MTA3: variants seen among roughly 807,000 people sequenced by gnomAD.
MTA3 encodes metastasis-associated protein MTA3.
Under a neutral mutation model 83.5 loss-of-function variants are expected in MTA3, and 34 were observed. That is an observed-to-expected ratio of 0.41 (90% CI 0.31 to 0.54). The LOEUF is 0.54. Among genes scored for constraint, MTA3 ranks in the 20% least tolerant of loss-of-function variants. The pLI, the probability that MTA3 is intolerant of heterozygous loss-of-function variation, is 0.33. For missense variants in MTA3, 761 were observed against 726.4 expected, an observed-to-expected ratio of 1.05 and a Z score of -0.55; for synonymous variants, 303 against 252.7, an observed-to-expected ratio of 1.20 and a Z score of -1.89.
intron 5 of MTA3, among the ~76,000 whole-genome samples, chr2:42,641,691 C>T (rs1687705824): frequency 6.6e-6 from 1 of 151,932 alleles, no homozygotes; most frequent in African/African-American, 2.4e-5. Flanking sequence ...GCTAAAAATA[C>T]AAAAATTAGC....
chr2:42,674,593 C>T (rs933370012), intron 8 of MTA3, among the ~76,000 whole-genome samples: 1 of 77,672 alleles, frequency 1.3e-5, no homozygotes, highest in East Asian at 3.7e-4. Flanking sequence ...TAGTTTTCTT[C>T]TTCTTTTTTT....
intron 3 of MTA3, among the ~76,000 whole-genome samples, chr2:42,599,972 G>A (rs986162539): frequency 6.6e-5 from 10 of 151,712 alleles, no homozygotes; most frequent in East Asian, 3.9e-4. Context: ...CGAGGCGGGC[G>A]GATCACGAGG....
At chr2:42,578,505 T>A (rs991983878) in intron 2 of MTA3, among the ~76,000 whole-genome samples, 1 of 152,230 alleles carries the variant, frequency 6.6e-6, no homozygotes, top group African/African-American at 2.4e-5. Context: ...CTTAGAATAT[T>A]GACTCTTAGA....
chr2:42,700,920 G>A (rs1330204479), intron 11 of MTA3, among the ~76,000 whole-genome samples: 1 of 152,102 alleles, frequency 6.6e-6, no homozygotes, highest in Non-Finnish European at 1.5e-5. Flanking sequence ...GCACAAAATG[G>A]ACCTCGCCTC....
At chr2:42,509,524 C>G (rs1029438136) in intron 2 of MTA3, among the ~76,000 whole-genome samples, 2 of 152,162 alleles carry the variant, frequency 1.3e-5, no homozygotes, top group African/African-American at 4.8e-5. Context: ...AATCTCAGCA[C>G]TTTGGGAGAC....
chr2:42,695,481 A>G (rs989054812), intron 9 of MTA3, among the ~76,000 whole-genome samples: 1 of 151,746 alleles, frequency 6.6e-6, no homozygotes, highest in East Asian at 1.9e-4. Flanking sequence ...CTAAAAATAC[A>G]AAAAATTAGC....
At chr2:42,752,959 C>G (rs1432981335) in intron 16 of MTA3, among the ~76,000 whole-genome samples, 1 of 150,060 alleles carries the variant, frequency 6.7e-6, no homozygotes, top group African/African-American at 2.5e-5. Flanking sequence ...GGGTCTTGCT[C>G]TGTCGCCTGG....
intron 2 of MTA3, among the ~76,000 whole-genome samples, chr2:42,547,761 G>A (rs934346305): frequency 6.6e-5 from 10 of 152,178 alleles, no homozygotes; most frequent in African/African-American, 2.4e-4. Flanking sequence ...GTTGCAGTTC[G>A]TCCACGAGGA....
At chr2:42,540,764 G>A (rs958372752) in intron 2 of MTA3, among the ~76,000 whole-genome samples, 9 of 151,164 alleles carry the variant, frequency 6.0e-5, no homozygotes, top group African/African-American at 2.2e-4. Flanking sequence ...GATCCCAAGA[G>A]TTTGTGGTTG....
At position 42,515,986 on chromosome 2, in the gene MTA3, G is replaced by T. The variant is rs1014941198; in HGVS notation, c.-141+20732G>T. Among the ~76,000 whole-genome samples, 8 of 151,474 alleles carry T rather than the reference G, an allele frequency of 5.3e-5. No individual in the cohort carries two copies. The East Asian group carries it at 1.6e-3, about 29-fold the overall frequency. On this transcript the variant is annotated intron_variant, in intron 2 of 17. Transcript: ENST00000405592. ...CTCCTGAGTAGCTTGGACTACAGGCGCCTGCCACCATGCCCGGCTAATTTT... is the reference window on the plus strand; with the variant it reads ...CTCCTGAGTAGCTTGGACTACAGGCTCCTGCCACCATGCCCGGCTAATTTT...
At chr2:42,498,328 T>A (rs558603484) in intron 2 of MTA3, among the ~76,000 whole-genome samples, 7 of 152,310 alleles carry the variant, frequency 4.6e-5, no homozygotes, top group Admixed American at 2.6e-4. Flanking sequence ...GAATGACCCC[T>A]GTAGAAGGTG....
At chr2:42,578,187 A>G (rs951594769) in intron 2 of MTA3, among the ~76,000 whole-genome samples, 1 of 152,160 alleles carries the variant, frequency 6.6e-6, no homozygotes, top group African/African-American at 2.4e-5. Flanking sequence ...TTGTTCTCAC[A>G]CTTGTTTGAA....
intron 3 of MTA3, among the ~76,000 whole-genome samples, chr2:42,588,385 C>T (rs530686040): frequency 1.8e-4 from 28 of 152,092 alleles, no homozygotes; most frequent in Admixed American, 7.2e-4. Flanking sequence ...ACAAAGCTAC[C>T]GAAATCTCTG....
At chr2:42,511,500 T>G (rs1404734092) in intron 2 of MTA3, 1 of 152,178 alleles carries the variant, frequency 6.6e-6, no homozygotes, top group Non-Finnish European at 1.5e-5. Context: ...GTGGATCACT[T>G]GAGGTCAGGA....
intron 2 of MTA3, among the ~76,000 whole-genome samples, chr2:42,501,620 G>T (rs565763929): frequency 6.6e-6 from 1 of 152,104 alleles, no homozygotes; most frequent in African/African-American, 2.4e-5. Flanking sequence ...GGATTGCAGC[G>T]AGACAAAGTG....
intron 16 of MTA3, among the ~76,000 whole-genome samples, chr2:42,733,882 T>C (rs1668413771): frequency 6.6e-6 from 1 of 152,216 alleles, no homozygotes; most frequent in Non-Finnish European, 1.5e-5. Flanking sequence ...TATTTTACTG[T>C]GATCAGAAAA....
At position 42,755,498 on chromosome 2, in the gene MTA3, A is replaced by G. The variant is rs2104615830; in HGVS notation, c.*2099A>G. The G allele has an allele frequency of 1.0e-6, 1 of 985,468 alleles. No individual in the cohort carries two copies. Among genetic ancestry groups the G allele is most frequent in the Non-Finnish European group, 1.2e-6 (1 of 829,954 alleles). The allele number at this position is 985,468 out of a possible 1,614,324, so 61.0% of individuals were successfully genotyped here. ...CTTGTTCGAGCCACGTGTGCCAAGC[A>G]GGCTTTTCCTTCCTCTTGTAAGTAA... On this transcript the variant is annotated 3_prime_UTR_variant, in exon 17 of 17. Coordinates refer to ENST00000405094, the MANE Select transcript of MTA3 (RefSeq NM_001330442.2).
intron 2 of MTA3, among the ~76,000 whole-genome samples, chr2:42,536,102 A>AAGATC (rs1676215808): frequency 6.6e-6 from 1 of 151,434 alleles, no homozygotes; most frequent in African/African-American, 2.4e-5. Context: ...CCTGGGCAAC[A>AAGATC]GTGAGACTCT....
At chr2:42,538,732 AG>A (rs1676375488) in intron 2 of MTA3, among the ~76,000 whole-genome samples, 1 of 149,044 alleles carries the variant, frequency 6.7e-6, no homozygotes, top group Non-Finnish European at 1.5e-5. Flanking sequence ...AAAAAGAAAA[AG>A]AAAAGAAAAG....
Sources: gnomAD v4.1 joint callset for allele counts (sites outside exome capture counted in the v4.1 genomes callset) on GRCh38, gnomAD v4.1.1 for gene constraint, MANE v1.5 for transcripts, NCBI Gene and HGNC (gene_info 2026-07-23, HGNC 2026-07-21) for gene names.